The following PCDHGB7 variants were observed in gnomAD, a reference collection of about 807,000 sequenced individuals.
The protein encoded by PCDHGB7 is protocadherin gamma subfamily B, 7.
PCDHGB7 carries 37 observed loss-of-function variants against 61.4 expected under a neutral mutation model. The ratio of observed to expected loss-of-function variants is 0.60; its 90% CI spans 0.46 to 0.79. PCDHGB7 has a LOEUF of 0.79. Among genes scored for constraint, PCDHGB7 ranks in the 30% least tolerant of loss-of-function variants. The pLI is 0.00. For synonymous variants in PCDHGB7, 464 were observed against 503.5 expected, an observed-to-expected ratio of 0.92 and a Z score of 1.05; for missense variants, 1,166 against 1,202.5, an observed-to-expected ratio of 0.97 and a Z score of 0.45.
At chr5:141,481,013 A>G (rs1198627648) in intron 1 of PCDHGB7, among the ~76,000 whole-genome samples, 1 of 152,164 alleles carries the variant, frequency 6.6e-6, no homozygotes, top group Admixed American at 6.5e-5. Context: ...AGCCCAGATC[A>G]CACCACTGCA....
In PCDHGB7 at chr5:141,422,749, A is replaced by G. The variant is rs202046219; in HGVS notation, c.2415+2475A>G. Reference sequence around the variant, plus strand: ...GGTGCCTCTGTCCTCCTATGTCTCTATTAACTCCAACACTGGTGTTCTCTA... The same window carrying G: ...GGTGCCTCTGTCCTCCTATGTCTCTGTTAACTCCAACACTGGTGTTCTCTA... On this transcript the variant is annotated intron_variant, in intron 1 of 3. Coordinates refer to ENST00000398594, the MANE Select transcript of PCDHGB7 (RefSeq NM_018927.4). 269 of 1,611,644 alleles carry G rather than the reference A, an allele frequency of 1.7e-4. 1 individual carries two copies. The African/African-American group carries it at 3.3e-3, about 20-fold the overall frequency.
At chr5:141,437,939 T>C (rs1055613655) in intron 1 of PCDHGB7, among the ~76,000 whole-genome samples, 3 of 152,152 alleles carry the variant, frequency 2.0e-5, no homozygotes, top group African/African-American at 7.2e-5. Flanking sequence ...GGTTTCACCA[T>C]ATTGGCCAGA....
intron 1 of PCDHGB7, among the ~76,000 whole-genome samples, chr5:141,425,918 C>T (rs901485843): frequency 1.1e-4 from 16 of 152,200 alleles, no homozygotes; most frequent in Admixed American, 2.0e-4. Flanking sequence ...ACAGTCACTA[C>T]GAAAACTCAT....
intron 1 of PCDHGB7, 59 bp downstream of exon 1, chr5:141,420,333 A>G (rs778366534): frequency 2.1e-6 from 3 of 1,402,720 alleles, no homozygotes; most frequent in Non-Finnish European, 2.9e-6. Flanking sequence ...ATATATTCCA[A>G]TATAGTGGTA....
At position 141,511,423 on chromosome 5, in the gene PCDHGB7, A is replaced by G. The variant is rs1301463531; in HGVS notation, c.*250A>G. On this transcript the variant is annotated 3_prime_UTR_variant, in exon 4 of 4. Transcript: ENST00000398594. ...AATCAACTGCTGTACCCATGGGGGTAGTGGGGTTACTGTAGACACCAAGAA... is the reference window on the plus strand; with the variant it reads ...AATCAACTGCTGTACCCATGGGGGTGGTGGGGTTACTGTAGACACCAAGAA... 15 of 818,384 alleles carry G rather than the reference A, an allele frequency of 1.8e-5. No homozygotes were observed. Among genetic ancestry groups the G allele is most frequent in the East Asian group, 3.0e-5 (1 of 33,874 alleles). 50.7% of individuals were successfully genotyped at this position (818,384 alleles called of 1,614,324 possible). A position where few individuals can be genotyped will look rare whatever the true frequency, so the allele number is the denominator to read the frequency against.
At chr5:141,464,279 C>CAAA (rs373828487) in intron 1 of PCDHGB7, among the ~76,000 whole-genome samples, 8 of 137,748 alleles carry the variant, frequency 5.8e-5, no homozygotes, top group Admixed American at 1.5e-4. Flanking sequence ...AAAAAAAAAG[C>CAAA]AAAAAAAAAA....
intron 1 of PCDHGB7, among the ~76,000 whole-genome samples, chr5:141,488,511 G>A (rs2099676160): frequency 6.6e-6 from 1 of 152,162 alleles, no homozygotes. Context: ...CCACATTTGG[G>A]GTCTGGGGTG....
At position 141,489,800 on chromosome 5, in the gene PCDHGB7, A is replaced by T. The variant is rs2099692478; in HGVS notation, c.2416-5007A>T. 1 of 1,614,166 alleles carries T rather than the reference A, an allele frequency of 6.2e-7. No homozygotes were observed. Among genetic ancestry groups the T allele is most frequent in the Non-Finnish European group, 8.5e-7 (1 of 1,179,994 alleles). On this transcript the variant is annotated intron_variant, in intron 1 of 3. Coordinates refer to ENST00000398594, the MANE Select transcript of PCDHGB7 (RefSeq NM_018927.4). This position sits in a 1 kb window ranked among gnomAD's most constrained non-coding sequence, Gnocchi z 4.5. ...TCTCTGAATGTGAAGACCCTAAAAG[A>T]TGGGAAGCCATTCCCAGAGCTGGTG...
rs372648693 is a variant in PCDHGB7, at chr5:141,417,997, G to A, written c.138G>A (p.Val46=). 244 of 1,613,872 alleles carry A rather than the reference G, an allele frequency of 1.5e-4. No homozygotes were observed. The Middle Eastern group carries it at 3.5e-3, about 23-fold the overall frequency. The change falls in exon 1 of 4, where the codon GTG becomes GTA. Residue 46 remains valine (V), a synonymous_variant. Transcript: ENST00000398594. ...CGGAGGAGCTGGCCAAGGGCTCGGT[G>A]GTGGGGAACCTCGCTAAGGATCTAG... The part of the protein sequence containing the change: ...SIPEELAKGS[V]VGNLAKDLGL...
intron 1 of PCDHGB7, among the ~76,000 whole-genome samples, chr5:141,463,966 A>C (rs923614502): frequency 4.6e-5 from 7 of 152,196 alleles, no homozygotes; most frequent in African/African-American, 1.7e-4. Context: ...AAATAGCTTC[A>C]TAAAACTCCA....
rs1322393151 is a variant in PCDHGB7, at chr5:141,419,747, C to T, written c.1888C>T (p.Arg630Cys). 1.9e-6 allele frequency: 3 copies of T among 1,613,840 alleles called. No homozygotes were observed. The highest frequency in any genetic ancestry group is 1.7e-5 in the Admixed American group (1 of 60,034). Residue 630 changes from arginine to cysteine, a missense_variant, in exon 1 of 4, where the codon CGT becomes TGT. Physicochemically the swap from Arg to Cys is radical, Grantham distance 180. Coordinates refer to ENST00000398594, the MANE Select transcript of PCDHGB7 (RefSeq NM_018927.4). ...GCGAACAGGCGAGGTGCGCATGGTG[C>T]GTGCTTTGGGTGACAAGGACTCGGT... ...GLRTGEVRMV[R>C]ALGDKDSVRQ...
chr5:141,418,045 G>A lies in PCDHGB7; in HGVS notation c.186G>A (p.Ser62=), dbSNP rs754041387. ...TAGGGCTTAGTGTCCTGGATGTGTC[G>A]GCTCGCGAGCTGCGAGTGAGCGCGG... is the stretch of plus-strand genomic sequence containing the variant. ...KDLGLSVLDV[S]ARELRVSAEK... Residue 62 remains serine (S), a synonymous_variant, in exon 1 of 4, where the codon TCG becomes TCA. Coordinates refer to ENST00000398594, the MANE Select transcript of PCDHGB7 (RefSeq NM_018927.4). 2 of 1,614,002 alleles carry A rather than the reference G, an allele frequency of 1.2e-6. No homozygotes were observed. Among genetic ancestry groups the A allele is most frequent in the East Asian group, 2.2e-5 (1 of 44,888 alleles).
chr5:141,511,084 C>G lies in PCDHGB7; in HGVS notation c.2701C>G (p.Leu901Val). 1 of 1,614,236 alleles carries G rather than the reference C, an allele frequency of 6.2e-7. No homozygotes were observed. Among genetic ancestry groups the G allele is most frequent in the Non-Finnish European group, 8.5e-7 (1 of 1,180,030 alleles). The change falls in exon 4 of 4, where the codon CTG becomes GTG. Residue 901 changes from leucine (L) to valine (V), a missense_variant. Leu to Val is a conservative substitution (Grantham distance 32). Coordinates refer to ENST00000398594, the MANE Select transcript of PCDHGB7 (RefSeq NM_018927.4). Reference sequence around the variant, plus strand: ...CTACATCCCAGGCAGCAATGCCACACTGACCAACGCAGCTGGCAAGCGGGA... The same window carrying G: ...CTACATCCCAGGCAGCAATGCCACAGTGACCAACGCAGCTGGCAAGCGGGA... ...NVYIPGSNAT[L>V]TNAAGKRDGK...
chr5:141,462,998 C>A (rs562002585), intron 1 of PCDHGB7, among the ~76,000 whole-genome samples: 3 of 152,190 alleles, frequency 2.0e-5, no homozygotes, highest in Admixed American at 2.0e-4. Context: ...CTAATTTAGA[C>A]CTACCACTTA....
intron 1 of PCDHGB7, chr5:141,423,522 G>A: frequency 6.2e-7 from 1 of 1,613,850 alleles, no homozygotes; most frequent in South Asian, 1.1e-5. Context: ...CGGACTCGCA[G>A]AAGAGTCACC....
Position 141,427,970 on chromosome 5 carries a change from C to A in PCDHGB7, c.2415+7696C>A, listed in dbSNP as rs760792774. On this transcript the variant is annotated intron_variant, in intron 1 of 3. Coordinates refer to ENST00000398594, the MANE Select transcript of PCDHGB7 (RefSeq NM_018927.4). ...ATGACAATGTGCCGCGGGTGCTGTA[C>A]CCCGCGCTGGGGCCCGATGGCTCCG... 1.9e-6 allele frequency: 3 copies of A among 1,592,510 alleles called. No individual in the cohort carries two copies. The Admixed American group carries it at 5.0e-5, about 27-fold the overall frequency.
In PCDHGB7 at chr5:141,420,042, A is replaced by T; in HGVS notation, c.2183A>T (p.Glu728Val). The T allele has an allele frequency of 1.2e-6, 2 of 1,614,048 alleles. No individual in the cohort carries two copies. Among genetic ancestry groups the T allele is most frequent in the Non-Finnish European group, 8.5e-7 (1 of 1,179,888 alleles). ...SFSPTAGDCF[E>V]SVLCSKSGPV... ...AGCCCTACTGCAGGAGACTGCTTTG[A>T]GTCAGTTCTCTGCTCCAAGTCCGGA... The change falls in exon 1 of 4, where the codon GAG (glutamate) becomes GTG (valine). Residue 728 changes from glutamate (E) to valine (V), a missense_variant. Physicochemically the swap from Glu to Val is moderately radical, Grantham distance 121 (BLOSUM62 -2). Coordinates refer to ENST00000398594, the MANE Select transcript of PCDHGB7 (RefSeq NM_018927.4).
At chr5:141,434,265 GA>G (rs2097683598) in intron 1 of PCDHGB7, among the ~76,000 whole-genome samples, 1 of 152,186 alleles carries the variant, frequency 6.6e-6, no homozygotes, top group South Asian at 2.1e-4. Context: ...GGGGGAGGTG[GA>G]AATTAGAGGT....
chr5:141,428,025 G>C, intron 1 of PCDHGB7: 1 of 1,606,426 alleles, frequency 6.2e-7, no homozygotes, highest in Non-Finnish European at 8.5e-7. Flanking sequence ...ACGCGCCGCA[G>C]AGTCCGGCTA....
Sources: allele counts gnomAD v4.1 joint callset (sites outside exome capture counted in the v4.1 genomes callset), GRCh38; gene constraint gnomAD v4.1.1; non-coding constraint Gnocchi (gnomAD v3.1); transcripts MANE v1.5; gene names NCBI Gene and HGNC (gene_info 2026-07-23, HGNC 2026-07-21).